Variants in COL26A1 observed in about 807,000 individuals in gnomAD.
COL26A1 encodes collagen alpha-1(XXVI) chain.
A neutral mutation model predicts 59.3 loss-of-function variants in COL26A1; 41 were observed. The observed-to-expected ratio is 0.69, with a 90% confidence interval of 0.54 to 0.90. The LOEUF (loss-of-function observed/expected upper bound fraction) is 0.90. Ranked by LOEUF, COL26A1 falls within the 40% of genes least tolerant of loss-of-function variation. The probability of loss-of-function intolerance (pLI) is 0.00; values close to 1 mark genes in which losing one functional copy is unlikely to be tolerated. For missense variants in COL26A1, 612 were observed against 602.3 expected (o/e 1.02, Z -0.17); for synonymous variants, 266 against 256.0 (o/e 1.04, Z -0.37).
At chr7:101,459,466 A>ATTTTTTTTTT (rs71286269) in intron 3 of COL26A1, among the ~76,000 whole-genome samples, 1 of 136,086 alleles carries the variant, frequency 7.3e-6, no homozygotes, top group Non-Finnish European at 1.5e-5. Context: ...CACCCGGCTA[A>ATTTTTTTTTT]TTTTTTTTTT....
chr7:101,485,279 C>T (rs1167497656), intron 3 of COL26A1, among the ~76,000 whole-genome samples: 2 of 152,216 alleles, frequency 1.3e-5, no homozygotes, highest in Non-Finnish European at 2.9e-5. Context: ...TGCTGCCTCA[C>T]CTGCCTGAGC....
intron 3 of COL26A1, among the ~76,000 whole-genome samples, chr7:101,498,490 A>T (rs1794634542): frequency 6.6e-6 from 1 of 152,128 alleles, no homozygotes; most frequent in Non-Finnish European, 1.5e-5. Flanking sequence ...ACTGCGCAAG[A>T]ATTGGGAGCC....
intron 1 of COL26A1, among the ~76,000 whole-genome samples, chr7:101,377,678 C>T (rs562650115): frequency 3.9e-5 from 6 of 152,140 alleles, no homozygotes; most frequent in Admixed American, 3.9e-4. Context: ...TCTCCTCCCT[C>T]AGCCTCCCAA....
intron 8 of COL26A1, among the ~76,000 whole-genome samples, chr7:101,548,845 C>T (rs533700120): frequency 1.8e-4 from 28 of 152,114 alleles, no homozygotes; most frequent in African/African-American, 5.8e-4. Context: ...ACCGGAGAGA[C>T]GTACCAGGGG....
At chr7:101,546,275 C>T (rs948352993) in intron 7 of COL26A1, among the ~76,000 whole-genome samples, 4 of 152,172 alleles carry the variant, frequency 2.6e-5, no homozygotes, top group African/African-American at 9.7e-5. Context: ...GGGTCTGTTG[C>T]CCAGGCTGGA....
chr7:101,383,579 G>T (rs56374923), intron 1 of COL26A1, among the ~76,000 whole-genome samples: 17,409 of 151,554 alleles, frequency 0.11, 1,098 homozygotes, highest in Non-Finnish European at 0.15. Flanking sequence ...CTGTTGCCCA[G>T]GCTGGGGTGC....
intron 3 of COL26A1, among the ~76,000 whole-genome samples, chr7:101,448,845 T>C (rs1383320913): frequency 6.6e-6 from 1 of 152,216 alleles, no homozygotes; most frequent in African/African-American, 2.4e-5. Flanking sequence ...CTTCGCTTTC[T>C]GACAAAATTC....
At chr7:101,489,806 CTT>C (rs1273663047) in intron 3 of COL26A1, among the ~76,000 whole-genome samples, 217 of 3,040 alleles carry the variant, frequency 0.071, 33 homozygotes, top group Middle Eastern at 0.5. Context: ...TTCTTTCTTT[CTT>C]TCTTTCTTTC....
intron 2 of COL26A1, among the ~76,000 whole-genome samples, chr7:101,446,904 G>A (rs1244177906): frequency 6.6e-6 from 1 of 151,934 alleles, no homozygotes; most frequent in Non-Finnish European, 1.5e-5. Flanking sequence ...AGAGCCGGCT[G>A]TATGGGAGAC....
chr7:101,478,052 G>A (rs1372543312), intron 3 of COL26A1, among the ~76,000 whole-genome samples: 2 of 152,092 alleles, frequency 1.3e-5, no homozygotes, highest in African/African-American at 4.8e-5. Flanking sequence ...GCAAGATCTC[G>A]CCTCACTGCA....
chr7:101,373,268 C>CT (rs1469580223), intron 1 of COL26A1, among the ~76,000 whole-genome samples: 1 of 152,162 alleles, frequency 6.6e-6, no homozygotes, highest in African/African-American at 2.4e-5. Context: ...CAGAGACAGG[C>CT]TACAGGCCTG....
intron 3 of COL26A1, among the ~76,000 whole-genome samples, chr7:101,471,873 C>A (rs557106944): frequency 1.7e-4 from 26 of 152,090 alleles, no homozygotes; most frequent in African/African-American, 5.8e-4. Context: ...AGCCGCTGCG[C>A]CCGGCCAGAA....
chr7:101,547,089 C>T (rs375801631), intron 7 of COL26A1, 67 bp from the exon 8 acceptor site: 22 of 1,201,308 alleles, frequency 1.8e-5, no homozygotes, highest in African/African-American at 1.2e-4. Context: ...CTCAGTGCCC[C>T]GGACCAGCCT....
chr7:101,449,558 C>A (rs1251931271), intron 3 of COL26A1, among the ~76,000 whole-genome samples: 2 of 152,170 alleles, frequency 1.3e-5, no homozygotes, highest in African/African-American at 4.8e-5. Flanking sequence ...CGCTTGAGCC[C>A]AGGAGTTTGA....
chr7:101,477,943 C>G (rs914322935), intron 3 of COL26A1, among the ~76,000 whole-genome samples: 2 of 152,032 alleles, frequency 1.3e-5, no homozygotes, highest in Non-Finnish European at 2.9e-5. Flanking sequence ...ACTCTTTTAC[C>G]CTTGTCAATT....
intron 3 of COL26A1, among the ~76,000 whole-genome samples, chr7:101,448,772 G>A (rs1793261140): frequency 6.6e-6 from 1 of 152,210 alleles, no homozygotes; most frequent in Non-Finnish European, 1.5e-5. Flanking sequence ...GATTACAGGT[G>A]TGAACCACCT....
chr7:101,507,716 GC>G (rs1384244386), intron 3 of COL26A1, among the ~76,000 whole-genome samples: 1 of 151,978 alleles, frequency 6.6e-6, no homozygotes, highest in Non-Finnish European at 1.5e-5. Flanking sequence ...CCACAAAGTG[GC>G]CCATTTTCTT....
intron 2 of COL26A1, 78 bp from the exon 3 acceptor site, chr7:101,447,606 T>C: frequency 1.0e-6 from 1 of 995,456 alleles, no homozygotes; most frequent in Admixed American, 2.1e-5. Context: ...CAAAACAGCC[T>C]GGCCCATCTT....
Position 101,489,702 on chromosome 7 carries a change from T to TTTCTTTCTTTTTCTTTCTTTCTTTCG in COL26A1, c.385+41925_385+41926insTTCTTTCTTTCTTTCGTTCTTTCTTT, listed in dbSNP as rs1313521112. Among the ~76,000 whole-genome samples the TTTCTTTCTTTTTCTTTCTTTCTTTCG allele has an allele frequency of 6.9e-5, 7 of 101,988 alleles. 2 individuals carry two copies. The East Asian group carries it at 1.6e-3, about 23-fold the overall frequency. The allele number at this position is 101,988 out of a possible 152,430, so 66.9% of individuals were successfully genotyped here. A position where few individuals can be genotyped will look rare whatever the true frequency, so the allele number is the denominator to read the frequency against. ...CTTCCTTTCTTTCTTTCTTTCTGTCTTTCTTTCTTTCATTCTTTCTTTCTC... is the reference window on the plus strand; with the variant it reads ...CTTCCTTTCTTTCTTTCTTTCTGTCTTTCTTTCTTTTTCTTTCTTTCTTTCGTTCTTTCTTTCATTCTTTCTTTCTC... On this transcript the variant is annotated intron_variant, in intron 3 of 12. Coordinates refer to ENST00000313669, the MANE Select transcript of COL26A1 (RefSeq NM_001278563.3).
Sources: gnomAD v4.1 joint callset for allele counts (sites outside exome capture counted in the v4.1 genomes callset) on GRCh38, gnomAD v4.1.1 for gene constraint, MANE v1.5 for transcripts, NCBI Gene and HGNC (gene_info 2026-07-23, HGNC 2026-07-21) for gene names.